The following CCDC148 variants were observed in gnomAD, a reference collection of about 807,000 sequenced individuals.
The protein encoded by CCDC148 is coiled-coil domain containing 148, also known as coiled-coil domain-containing protein 148.
Under a neutral mutation model 85.7 loss-of-function variants are expected in CCDC148, and 89 were observed. That is an observed-to-expected ratio of 1.04 (90% CI 0.87 to 1.24). CCDC148 has a LOEUF of 1.24. CCDC148 is among the 50% of genes most tolerant of loss of function. The pLI is 0.00. For missense variants in CCDC148, 692 were observed against 671.7 expected (o/e 1.03, Z -0.33); for synonymous variants, 230 against 213.9 (o/e 1.08, Z -0.66).
chr2:158,275,425 G>C (rs1433117403), intron 9 of CCDC148, among the ~76,000 whole-genome samples: 1 of 152,186 alleles, frequency 6.6e-6, no homozygotes, highest in African/African-American at 2.4e-5. Context: ...CATAGCATCT[G>C]GATGCACGAG....
chr2:158,331,460 G>T (rs1693113596), intron 7 of CCDC148, among the ~76,000 whole-genome samples: 1 of 152,204 alleles, frequency 6.6e-6, no homozygotes, highest in Admixed American at 6.5e-5. Context: ...GTGTGGTGTG[G>T]TGCTGAGAAG....
At chr2:158,451,242 A>G (rs965488226) in intron 1 of CCDC148, among the ~76,000 whole-genome samples, 7 of 152,316 alleles carry the variant, frequency 4.6e-5, no homozygotes, top group Non-Finnish European at 1.0e-4. Context: ...AATTAGTTGT[A>G]TACTAAATCC....
In CCDC148 at chr2:158,309,474, T is replaced by C. The variant is rs144405620; in HGVS notation, c.1069A>G (p.Lys357Glu). 38 of 1,614,190 alleles carry C rather than the reference T, an allele frequency of 2.4e-5. No homozygotes were observed. In the African/African-American group the frequency reaches 4.5e-4, roughly 19 times the overall value. ...GCACACAATTCCTGTTGCTTTTTCT[T>C]GTCCTTAGCCAACATGCTCTCCATT... ...HEMESMLAKDKKKQQELCADL... is the reference protein window; with the variant it reads ...HEMESMLAKDEKKQQELCADL... The change falls in exon 9 of 14, where the codon AAG becomes GAG. Residue 357 changes from lysine (K) to glutamate (E), a missense_variant. Transcript: ENST00000283233.
At chr2:158,360,259 C>A (rs184622984) in intron 1 of CCDC148, among the ~76,000 whole-genome samples, 87 of 152,298 alleles carry the variant, frequency 5.7e-4, no homozygotes, top group African/African-American at 1.9e-3. Context: ...CTTCAGCAAA[C>A]TTAGACGTCC....
At chr2:158,250,049 T>A (rs1314857938) in intron 10 of CCDC148, among the ~76,000 whole-genome samples, 1 of 152,134 alleles carries the variant, frequency 6.6e-6, no homozygotes, top group African/African-American at 2.4e-5. Flanking sequence ...AAATGGTTCA[T>A]ATATCTGATT....
intron 9 of CCDC148, among the ~76,000 whole-genome samples, chr2:158,286,324 C>G (rs772094262): frequency 6.6e-6 from 1 of 151,882 alleles, no homozygotes; most frequent in Non-Finnish European, 1.5e-5. Context: ...CTTTTACTTT[C>G]TTAATGAAAA....
intron 1 of CCDC148, among the ~76,000 whole-genome samples, chr2:158,452,165 G>A (rs1688430761): frequency 6.6e-6 from 1 of 152,172 alleles, no homozygotes; most frequent in East Asian, 1.9e-4. Context: ...TGTGACTCAA[G>A]GAGGCAATTA....
In CCDC148 at chr2:158,375,828, T is replaced by C. The variant is rs111824255; in HGVS notation, c.26-17258A>G. 2.6e-3 allele frequency among the ~76,000 whole-genome samples: 391 copies of C among 152,226 alleles called. 1 individual carries two copies. The highest frequency in any genetic ancestry group is 8.7e-3 in the African/African-American group (363 of 41,564). On this transcript the variant is annotated intron_variant, in intron 1 of 13. Transcript: ENST00000283233. The stretch of plus-strand genomic sequence containing the variant: ...TGAAATGCGGACGTAAAGCTAGACA[T>C]GGAGCGAGTATTAAGATGAAAGATT...
At chr2:158,235,412 A>G (rs1043490279) in intron 10 of CCDC148, among the ~76,000 whole-genome samples, 2 of 152,184 alleles carry the variant, frequency 1.3e-5, no homozygotes, top group African/African-American at 4.8e-5. Context: ...ATCATGATTT[A>G]ATTTTATGCC....
In CCDC148 at chr2:158,324,500, T is replaced by G. The variant is rs1236952387; in HGVS notation, c.765-10606A>C. On this transcript the variant is annotated intron_variant, in intron 7 of 13. Coordinates refer to ENST00000283233, the MANE Select transcript of CCDC148 (RefSeq NM_138803.4). ...TATTTGCTGGCTCTTTAGGTAGTTT[T>G]GAAGATTTTGCCATCACTAAGGAGA... Among the ~76,000 whole-genome samples the G allele has an allele frequency of 3.3e-5, 5 of 152,170 alleles. No individual in the cohort carries two copies. The East Asian group carries it at 7.7e-4, about 23-fold the overall frequency.
intron 9 of CCDC148, among the ~76,000 whole-genome samples, chr2:158,261,671 G>C (rs538021591): frequency 6.6e-6 from 1 of 150,628 alleles, no homozygotes; most frequent in Admixed American, 6.6e-5. Context: ...ATTTACAAGA[G>C]AAAAACAATC....
intron 11 of CCDC148, among the ~76,000 whole-genome samples, chr2:158,200,782 A>G (rs1685916768): frequency 6.6e-6 from 1 of 152,140 alleles, no homozygotes; most frequent in Non-Finnish European, 1.5e-5. Context: ...TTAATTTAGT[A>G]ATTCATAGAG....
At chr2:158,328,578 G>A (rs935851431) in intron 7 of CCDC148, among the ~76,000 whole-genome samples, 5 of 151,992 alleles carry the variant, frequency 3.3e-5, no homozygotes, top group African/African-American at 1.2e-4. Flanking sequence ...AGATCCCTGA[G>A]GAATCGCCAC....
chr2:158,383,687 G>C (rs1684970505), intron 1 of CCDC148, among the ~76,000 whole-genome samples: 1 of 152,118 alleles, frequency 6.6e-6, no homozygotes, highest in Non-Finnish European at 1.5e-5. Flanking sequence ...CCATTTCAGA[G>C]GAAAACTGTT....
At position 158,351,280 on chromosome 2, in the gene CCDC148, G is replaced by C. The variant is rs75341546; in HGVS notation, c.148-5962C>G. On this transcript the variant is annotated intron_variant, in intron 2 of 13. Coordinates refer to ENST00000283233, the MANE Select transcript of CCDC148 (RefSeq NM_138803.4). The stretch of plus-strand genomic sequence containing the variant: ...CTCCGGTCTACAGCTCCCAGCGTGA[G>C]TGACGCAGAAGACGGGTGATTTCTG... Among the ~76,000 whole-genome samples the C allele has an allele frequency of 1.2e-3, 187 of 152,256 alleles. 1 individual carries two copies. Among genetic ancestry groups the C allele is most frequent in the African/African-American group, 4.4e-3 (183 of 41,528 alleles).
intron 2 of CCDC148, among the ~76,000 whole-genome samples, chr2:158,355,111 C>T (rs1683553988): frequency 6.6e-6 from 1 of 151,146 alleles, no homozygotes; most frequent in African/African-American, 2.4e-5. Flanking sequence ...GACAAACCCA[C>T]AGCCAATATC....
chr2:158,264,004 T>G (rs16842840), intron 9 of CCDC148, among the ~76,000 whole-genome samples: 6,149 of 151,924 alleles, frequency 0.04, 151 homozygotes, highest in Middle Eastern at 0.13. Context: ...GATATTTCCT[T>G]TAGAGTTATT....
chr2:158,455,939 A>G (rs895310978), intron 1 of CCDC148, among the ~76,000 whole-genome samples: 1 of 152,262 alleles, frequency 6.6e-6, no homozygotes, highest in African/African-American at 2.4e-5. Flanking sequence ...ACTGGAAAAT[A>G]GAAAACAAAA....
chr2:158,223,100 A>T (rs1254018019), intron 10 of CCDC148, among the ~76,000 whole-genome samples: 1 of 152,138 alleles, frequency 6.6e-6, no homozygotes, highest in Non-Finnish European at 1.5e-5. Flanking sequence ...GCACCTGGAA[A>T]ATCGGGTCAC....
Sources: gnomAD v4.1 joint callset for allele counts (sites outside exome capture counted in the v4.1 genomes callset) on GRCh38, gnomAD v4.1.1 for gene constraint, MANE v1.5 for transcripts, NCBI Gene and HGNC (gene_info 2026-07-23, HGNC 2026-07-21) for gene names.